The following SUMF1 variants were observed in gnomAD, a reference collection of about 807,000 sequenced individuals.
SUMF1 encodes the protein sulfatase modifying factor 1, also known as formylglycine-generating enzyme.
A neutral mutation model predicts 47.6 loss-of-function variants in SUMF1; 48 were observed. That is an observed-to-expected ratio of 1.01 (90% CI 0.80 to 1.28). The LOEUF (loss-of-function observed/expected upper bound fraction) is 1.28, where lower values mean the gene tolerates loss of function less well. SUMF1 is among the 50% of genes most tolerant of loss of function. The pLI, the probability that SUMF1 is intolerant of heterozygous loss-of-function variation, is 0.00. For missense variants in SUMF1, 571 were observed against 485.4 expected (o/e 1.18, Z -1.66); for synonymous variants, 230 against 192.1 (o/e 1.20, Z -1.63).
chr3:4,065,164 C>T (rs145359137), intron 9 of SUMF1, among the ~76,000 whole-genome samples: 61 of 152,268 alleles, frequency 4.0e-4, no homozygotes, highest in African/African-American at 1.3e-3. Flanking sequence ...CTGTGCAAAG[C>T]CACTGTGCAG....
intron 3 of SUMF1, among the ~76,000 whole-genome samples, chr3:4,439,775 T>C (rs1249546887): frequency 6.6e-6 from 1 of 151,924 alleles, no homozygotes. Context: ...TGTCTCAAAC[T>C]GGTCTCAAAC....
intron 8 of SUMF1, among the ~76,000 whole-genome samples, chr3:4,090,266 G>A (rs566638676): frequency 2.6e-5 from 4 of 152,128 alleles, no homozygotes; most frequent in Non-Finnish European, 5.9e-5. Context: ...TCCACTATCT[G>A]TGTGGAGCTG....
intron 1 of SUMF1, among the ~76,000 whole-genome samples, chr3:4,456,715 TAC>T (rs1398945444): frequency 3.4e-4 from 47 of 137,634 alleles, no homozygotes; most frequent in Middle Eastern, 3.9e-3. Context: ...CGTATATATA[TAC>T]ATATATATAC....
At chr3:4,449,004 T>C (rs1702876943) in intron 3 of SUMF1, among the ~76,000 whole-genome samples, 1 of 152,218 alleles carries the variant, frequency 6.6e-6, no homozygotes, top group Non-Finnish European at 1.5e-5. Context: ...TACTGAGCTC[T>C]ACCTAGCAAC....
chr3:4,348,743 C>T (rs188366085), intron 8 of SUMF1, among the ~76,000 whole-genome samples: 2,220 of 151,556 alleles, frequency 0.015, 58 homozygotes, highest in African/African-American at 0.046. Flanking sequence ...GGTGTGGTGG[C>T]ACATGCCTGT....
chr3:4,464,598 G>A (rs1224302792), intron 1 of SUMF1, among the ~76,000 whole-genome samples: 10 of 152,016 alleles, frequency 6.6e-5, no homozygotes, highest in African/African-American at 2.4e-4. Context: ...AACAAAGAGG[G>A]GAAAAAAGGC....
intron 8 of SUMF1, among the ~76,000 whole-genome samples, chr3:4,154,149 T>G (rs765805381): frequency 6.6e-6 from 1 of 151,492 alleles, no homozygotes; most frequent in Non-Finnish European, 1.5e-5. Context: ...CTGAGCTACA[T>G]GTGGTAGAAT....
intron 8 of SUMF1, among the ~76,000 whole-genome samples, chr3:4,306,514 A>T (rs578150686): frequency 6.6e-6 from 1 of 152,220 alleles, no homozygotes; most frequent in East Asian, 1.9e-4. Context: ...TGTTCTAACT[A>T]TCTCTGTATA....
chr3:4,098,154 G>A (rs143400135), intron 8 of SUMF1, among the ~76,000 whole-genome samples: 95 of 152,230 alleles, frequency 6.2e-4, no homozygotes, highest in Admixed American at 1.6e-3. Flanking sequence ...TCACTGAGAA[G>A]TAGTGGGACA....
At chr3:4,357,176 GA>G (rs2125165765), downstream of SUMF1, among the ~76,000 whole-genome samples, 1 of 152,234 alleles carries the variant, frequency 6.6e-6, no homozygotes, top group South Asian at 2.1e-4. Context: ...AGGAAGGAGG[GA>G]AGGAGGGAGA....
intron 8 of SUMF1, among the ~76,000 whole-genome samples, chr3:4,097,099 G>C (rs550223302): frequency 6.6e-6 from 1 of 152,212 alleles, no homozygotes; most frequent in African/African-American, 2.4e-5. Flanking sequence ...AACAAGACAT[G>C]TTTGACAATT....
At chr3:4,054,275 C>T (rs1213924989) in intron 9 of SUMF1, among the ~76,000 whole-genome samples, 1 of 152,140 alleles carries the variant, frequency 6.6e-6, no homozygotes, top group African/African-American at 2.4e-5. Context: ...ATCATGCCTT[C>T]ACCAGAAACA....
intron 8 of SUMF1, among the ~76,000 whole-genome samples, chr3:4,235,930 T>C (rs1273259333): frequency 6.6e-6 from 1 of 152,056 alleles, no homozygotes; most frequent in African/African-American, 2.4e-5. Flanking sequence ...TACAAGCACA[T>C]GTCTATACCA....
rs1575130990 is a variant in SUMF1 at position 4,361,812 on chromosome 3, C to T, written c.*332G>A. 2 of 336,804 alleles carry T rather than the reference C, an allele frequency of 5.9e-6. No individual in the cohort carries two copies. Among genetic ancestry groups the T allele is most frequent in the South Asian group, 3.0e-5 (1 of 32,814 alleles). 20.9% of individuals were successfully genotyped at this position (336,804 alleles called of 1,614,324 possible). Reference sequence around the variant, plus strand: ...CTTGAGGCCCAGGAAGGTCAAGCGTCGGACCTGGGGTCTAACCCCTGTGGC... The same window carrying T: ...CTTGAGGCCCAGGAAGGTCAAGCGTTGGACCTGGGGTCTAACCCCTGTGGC... On this transcript the variant is annotated 3_prime_UTR_variant, in exon 9 of 9. Coordinates refer to ENST00000272902, the MANE Select transcript of SUMF1 (RefSeq NM_182760.4).
intron 8 of SUMF1, among the ~76,000 whole-genome samples, chr3:4,189,964 G>A (rs901508020): frequency 7.2e-5 from 11 of 152,062 alleles, no homozygotes; most frequent in Admixed American, 1.3e-4. Flanking sequence ...CCTCCACTTC[G>A]AAACGCATTT....
At chr3:4,101,125 G>C (rs148942753) in intron 8 of SUMF1, among the ~76,000 whole-genome samples, 57 of 152,078 alleles carry the variant, frequency 3.7e-4, no homozygotes, top group East Asian at 2.7e-3. Context: ...ATATGATCAA[G>C]CAATCTCATT....
chr3:4,351,197 T>C (rs771220077), intron 8 of SUMF1, among the ~76,000 whole-genome samples: 8 of 147,422 alleles, frequency 5.4e-5, no homozygotes, highest in Non-Finnish European at 7.4e-5. Context: ...CAAATGTGAA[T>C]ATGTTTCCCA....
chr3:4,456,989 T>TAC (rs2079663044), intron 1 of SUMF1, among the ~76,000 whole-genome samples: 1 of 145,454 alleles, frequency 6.9e-6, no homozygotes, highest in Non-Finnish European at 1.5e-5. Flanking sequence ...TATATATATA[T>TAC]ACGTGTGTGT....
chr3:4,124,686 T>C (rs1333399572), intron 8 of SUMF1, among the ~76,000 whole-genome samples: 1 of 152,140 alleles, frequency 6.6e-6, no homozygotes, highest in Non-Finnish European at 1.5e-5. Context: ...GAAGCTAATG[T>C]TAATTATCTT....
Sources: allele counts gnomAD v4.1 joint callset (sites outside exome capture counted in the v4.1 genomes callset), GRCh38; gene constraint gnomAD v4.1.1; transcripts MANE v1.5; gene names NCBI Gene and HGNC (gene_info 2026-07-23, HGNC 2026-07-21).